INPP4B: variants seen among roughly 807,000 people sequenced by gnomAD.
The protein encoded by INPP4B is inositol polyphosphate-4-phosphatase type II B.
Under a neutral mutation model 122.5 loss-of-function variants are expected in INPP4B, and 55 were observed. The ratio of observed to expected loss-of-function variants is 0.45; its 90% CI spans 0.36 to 0.56. INPP4B has a LOEUF of 0.56. Among genes scored for constraint, INPP4B ranks in the 20% least tolerant of loss-of-function variants. The pLI is 0.00. For missense variants in INPP4B, 1,000 were observed against 1,097.7 expected (o/e 0.91, Z 1.26); for synonymous variants, 403 against 388.7 (o/e 1.04, Z -0.43).
intron 25 of INPP4B, 92 bp from the exon 26 acceptor site, chr4:142,029,006 G>C: frequency 2.0e-6 from 3 of 1,470,546 alleles, no homozygotes; most frequent in Middle Eastern, 3.7e-4. Context: ...AACCATCCAA[G>C]TAAAAATAAC....
chr4:142,241,878 C>G (rs904503088), intron 11 of INPP4B, among the ~76,000 whole-genome samples: 1 of 152,138 alleles, frequency 6.6e-6, no homozygotes, highest in African/African-American at 2.4e-5. Flanking sequence ...CCAGAGGAAG[C>G]TAATCTGTGA....
intron 7 of INPP4B, among the ~76,000 whole-genome samples, chr4:142,371,647 AAAG>A (rs1283703563): frequency 1.3e-5 from 2 of 152,258 alleles, no homozygotes; most frequent in African/African-American, 4.8e-5. Context: ...ACATTTCTCA[AAAG>A]AAGACAAATT....
chr4:142,741,156 AT>A (rs1767842347), intron 1 of INPP4B, among the ~76,000 whole-genome samples: 1 of 152,090 alleles, frequency 6.6e-6, no homozygotes, highest in Non-Finnish European at 1.5e-5. Flanking sequence ...TTGTGTTGTT[AT>A]ACAGGAATAC....
rs114298975 is a variant in INPP4B, at chr4:142,382,235, G to A, written c.372+20703C>T. Among the ~76,000 whole-genome samples, 1,291 of 151,960 alleles carry A rather than the reference G, an allele frequency of 8.5e-3. 19 individuals carry two copies. The highest frequency in any genetic ancestry group is 0.029 in the African/African-American group (1,222 of 41,460). ...AATATTTTATATTTTTCAGCTTGGCGCAGTGGTTTACGCCTGTAATCCCAA... is the reference window on the plus strand; with the variant it reads ...AATATTTTATATTTTTCAGCTTGGCACAGTGGTTTACGCCTGTAATCCCAA... On this transcript the variant is annotated intron_variant, in intron 7 of 25. Coordinates refer to ENST00000262992, the MANE Select transcript of INPP4B (RefSeq NM_001101669.3).
intron 2 of INPP4B, among the ~76,000 whole-genome samples, chr4:142,524,544 A>C (rs1486552254): frequency 1.3e-5 from 2 of 151,724 alleles, no homozygotes; most frequent in African/African-American, 4.9e-5. Flanking sequence ...TTCATTGTAG[A>C]TTCTGGATAT....
chr4:142,679,579 G>C (rs932747822), intron 2 of INPP4B, among the ~76,000 whole-genome samples: 3 of 151,740 alleles, frequency 2.0e-5, no homozygotes, highest in Admixed American at 2.0e-4. Context: ...GTTGAGAAGT[G>C]CCAATTAAAA....
In INPP4B at chr4:142,379,671, C is replaced by G. The variant is rs113437744; in HGVS notation, c.372+23267G>C. 1.2e-3 allele frequency among the ~76,000 whole-genome samples: 186 copies of G among 152,300 alleles called. 3 individuals are homozygous for G. The highest frequency in any genetic ancestry group is 6.8e-3 in the Middle Eastern group (2 of 294). ...AAAAGCTATTCCTAGCCAAAGCAGA[C>G]TAACATTTTATATTACTTATAAATA... On this transcript the variant is annotated intron_variant, in intron 7 of 25. Transcript: ENST00000262992.
At chr4:142,559,671 T>C (rs1730017118) in intron 2 of INPP4B, among the ~76,000 whole-genome samples, 2 of 152,214 alleles carry the variant, frequency 1.3e-5, no homozygotes, top group South Asian at 2.1e-4. Context: ...CTTGTAATCA[T>C]AGCCCTTTAA....
At chr4:142,604,301 C>T (rs1740729715) in intron 2 of INPP4B, among the ~76,000 whole-genome samples, 1 of 152,082 alleles carries the variant, frequency 6.6e-6, no homozygotes, top group Non-Finnish European at 1.5e-5. Flanking sequence ...GAAAGCTTTT[C>T]CTCTAAGAAC....
chr4:142,672,807 G>A (rs1822363), intron 2 of INPP4B, among the ~76,000 whole-genome samples: 118,230 of 152,034 alleles, frequency 0.78, 46,700 homozygotes, highest in East Asian at 0.85. Flanking sequence ...AAATCTTTAC[G>A]TAATCAAAAG....
At chr4:142,436,390 C>G (rs1478929110) in intron 3 of INPP4B, among the ~76,000 whole-genome samples, 1 of 152,200 alleles carries the variant, frequency 6.6e-6, no homozygotes, top group Admixed American at 6.5e-5. Flanking sequence ...AGCACACCCC[C>G]TCCACCACGG....
intron 2 of INPP4B, among the ~76,000 whole-genome samples, chr4:142,475,906 C>T (rs564289528): frequency 6.6e-6 from 1 of 152,148 alleles, no homozygotes; most frequent in Non-Finnish European, 1.5e-5. Flanking sequence ...ACAAAGTAAG[C>T]AACTTGCAAA....
Position 142,276,720 on chromosome 4 carries a change from G to A in INPP4B, c.504-5946C>T, listed in dbSNP as rs552594461. On this transcript the variant is annotated intron_variant, in intron 9 of 25. Transcript: ENST00000262992. Reference sequence around the variant, plus strand: ...GGCCACAAAGCTTCAAGAGCATGACGTAGAAATGTTGATCATCAGTTTTTC... The same window carrying A: ...GGCCACAAAGCTTCAAGAGCATGACATAGAAATGTTGATCATCAGTTTTTC... Among the ~76,000 whole-genome samples the A allele has an allele frequency of 2.0e-4, 30 of 151,940 alleles. No homozygotes were observed. In the Middle Eastern group the frequency reaches 0.01, roughly 52 times the overall value.
At chr4:142,313,350 G>A (rs1766277047) in intron 8 of INPP4B, among the ~76,000 whole-genome samples, 1 of 152,116 alleles carries the variant, frequency 6.6e-6, no homozygotes. Flanking sequence ...ATAAATAAAT[G>A]GAACACCTTG....
intron 12 of INPP4B, among the ~76,000 whole-genome samples, chr4:142,226,315 C>T (rs1459664047): frequency 6.6e-6 from 1 of 152,102 alleles, no homozygotes; most frequent in Non-Finnish European, 1.5e-5. Flanking sequence ...GTTGCTGTTG[C>T]TGTCTTCCTT....
intron 2 of INPP4B, among the ~76,000 whole-genome samples, chr4:142,553,811 C>T (rs1728511721): frequency 6.6e-6 from 1 of 152,134 alleles, no homozygotes; most frequent in Non-Finnish European, 1.5e-5. Flanking sequence ...GGAAAAAGAC[C>T]AGGTCAAGAC....
intron 2 of INPP4B, among the ~76,000 whole-genome samples, chr4:142,631,239 G>A (rs1747882975): frequency 6.6e-6 from 1 of 152,112 alleles, no homozygotes; most frequent in East Asian, 1.9e-4. Context: ...GCAGAGAAGT[G>A]GAGCCATAAG....
chr4:142,645,501 T>C (rs1751553961), intron 2 of INPP4B, among the ~76,000 whole-genome samples: 1 of 152,234 alleles, frequency 6.6e-6, no homozygotes, highest in African/African-American at 2.4e-5. Context: ...TGTGTGGCCA[T>C]GTGTCTAAAT....
At chr4:142,408,806 CCTT>C (rs1803989262) in intron 5 of INPP4B, among the ~76,000 whole-genome samples, 1 of 152,112 alleles carries the variant, frequency 6.6e-6, no homozygotes. Context: ...TTAATTTCTG[CCTT>C]CTTAATGGCT....
Sources: allele counts gnomAD v4.1 joint callset (sites outside exome capture counted in the v4.1 genomes callset), GRCh38; gene constraint gnomAD v4.1.1; transcripts MANE v1.5; gene names NCBI Gene and HGNC (gene_info 2026-07-23, HGNC 2026-07-21).